Variants in NAV2 observed in about 807,000 individuals in gnomAD.
The protein encoded by NAV2 is helicase, APC down-regulated 1.
NAV2 carries 54 observed loss-of-function variants against 223.2 expected under a neutral mutation model. That is an observed-to-expected ratio of 0.24 (90% CI 0.19 to 0.30). NAV2 has a LOEUF of 0.30. Among genes scored for constraint, NAV2 ranks in the 10% least tolerant of loss-of-function variants. The probability of loss-of-function intolerance (pLI) is 1.00; values close to 1 mark genes in which losing one functional copy is unlikely to be tolerated. For missense variants in NAV2, 2,806 were observed against 3,147.5 expected (o/e 0.89, Z 2.60); for synonymous variants, 1,279 against 1,239.3 (o/e 1.03, Z -0.67).
At chr11:19,696,942 G>A (rs1565175453) in intron 1 of NAV2, among the ~76,000 whole-genome samples, 2 of 152,156 alleles carry the variant, frequency 1.3e-5, no homozygotes, top group African/African-American at 4.8e-5. Context: ...AGATAGTGCT[G>A]TTGTACACAT....
chr11:20,005,240 T>TATATATATAATATATATATA (rs2052932455), intron 11 of NAV2, among the ~76,000 whole-genome samples: 1 of 16,086 alleles, frequency 6.2e-5, no homozygotes, highest in African/African-American at 1.8e-4. Flanking sequence ...GTTTTAATCA[T>TATATATATAATATATATATA]ATATATATAT....
chr11:20,080,225 C>T lies in NAV2; in HGVS notation c.5325+16C>T. On this transcript the variant is annotated intron_variant, in intron 25 of 37. Coordinates refer to ENST00000349880, the MANE Select transcript of NAV2 (RefSeq NM_145117.5). Reference sequence around the variant, plus strand: ...GAAGAACTGGGTGAGTGCACATCCACTCTCCTGGGGACTGACGGACAGAGT... The same window carrying T: ...GAAGAACTGGGTGAGTGCACATCCATTCTCCTGGGGACTGACGGACAGAGT... 4 of 1,610,654 alleles carry T rather than the reference C, an allele frequency of 2.5e-6. No homozygotes were observed. The highest frequency in any genetic ancestry group is 1.1e-5 in the South Asian group (1 of 90,688).
Position 19,442,857 on chromosome 11 carries a change from C to A in NAV2, c.75+91830C>A, listed in dbSNP as rs541882518. On this transcript the variant is annotated intron_variant, in intron 1 of 37. Transcript: ENST00000360655. ...ATGTGCTTGTTTCCCTTGACTAAAG[C>A]AGCTTAGAAGTGGATTGTCCTGTGT... is the stretch of plus-strand genomic sequence containing the variant. 3.3e-5 allele frequency among the ~76,000 whole-genome samples: 5 copies of A among 152,330 alleles called. No homozygotes were observed. In the South Asian group the frequency reaches 1.0e-3, roughly 32 times the overall value.
intron 1 of NAV2, chr11:19,506,265 A>G (rs1655466126): frequency 6.6e-6 from 1 of 152,270 alleles, no homozygotes; most frequent in Admixed American, 6.5e-5. Context: ...GCCAGAAACT[A>G]TAGGCATGGG....
Position 19,713,815 on chromosome 11 carries a change from G to A in NAV2, c.120G>A (p.Lys40=), listed in dbSNP as rs1446897542. 3 of 1,613,118 alleles carry A rather than the reference G, an allele frequency of 1.9e-6. No individual in the cohort carries two copies. Among genetic ancestry groups the A allele is most frequent in the African/African-American group, 1.3e-5 (1 of 74,940 alleles). Residue 40 remains lysine (K), a synonymous_variant, in exon 1 of 38, where the codon AAG becomes AAA. Transcript: ENST00000349880. The surrounding 1 kb of genome is among the most constrained non-coding windows in gnomAD (Gnocchi z 7.2). ...CGGGCCCCCAGCCCTGCTACCTGAA[G>A]TTGGGAAGCAAGGTGGAGGTGAGCA... ...ARAGPQPCYL[K]LGSKVEVSKT...
chr11:19,636,168 G>C (rs2047494451), intron 1 of NAV2, among the ~76,000 whole-genome samples: 1 of 152,302 alleles, frequency 6.6e-6, no homozygotes, highest in Non-Finnish European at 1.5e-5. Flanking sequence ...GTCTGTTGTT[G>C]TCTTAACATC....
rs77045760 is a variant in NAV2 at position 19,366,628 on chromosome 11, A to G, written c.75+15601A>G. On this transcript the variant is annotated intron_variant, in intron 1 of 37. Transcript: ENST00000360655. ...TCTGGAATTAAACAGACCCCAGATA[A>G]AATCCTGGATCCAACTCTTACAGTG... Among the ~76,000 whole-genome samples the G allele has an allele frequency of 2.4e-3, 364 of 152,272 alleles. 1 individual carries two copies. The highest frequency in any genetic ancestry group is 8.4e-3 in the African/African-American group (351 of 41,544).
intron 14 of NAV2, among the ~76,000 whole-genome samples, chr11:20,048,306 C>T (rs931562963): frequency 5.3e-5 from 8 of 152,184 alleles, no homozygotes; most frequent in African/African-American, 1.7e-4. Context: ...GTTGAGCTGT[C>T]ATAAACTGTG....
intron 1 of NAV2, among the ~76,000 whole-genome samples, chr11:19,796,681 G>A (rs2057921878): frequency 6.6e-6 from 1 of 152,142 alleles, no homozygotes. Context: ...GGTGGAGATA[G>A]GTTGGTAGCA....
chr11:19,736,952 T>G (rs2052369336), intron 1 of NAV2, among the ~76,000 whole-genome samples: 1 of 152,250 alleles, frequency 6.6e-6, no homozygotes, highest in African/African-American at 2.4e-5. Context: ...AACATTAATA[T>G]GCCAGCCCCA....
chr11:19,607,264 C>T (rs1391312004), intron 1 of NAV2, among the ~76,000 whole-genome samples: 1 of 152,200 alleles, frequency 6.6e-6, no homozygotes, highest in East Asian at 1.9e-4. Flanking sequence ...TCAGATCTTC[C>T]ACTGTCTGCC....
At chr11:19,983,558 T>C (rs1023232942) in intron 10 of NAV2, among the ~76,000 whole-genome samples, 2 of 152,194 alleles carry the variant, frequency 1.3e-5, no homozygotes, top group African/African-American at 4.8e-5. Context: ...TGTTGTGATA[T>C]TCCCACATGT....
intron 1 of NAV2, among the ~76,000 whole-genome samples, chr11:19,567,512 T>C (rs1484354427): frequency 6.6e-6 from 1 of 152,178 alleles, no homozygotes; most frequent in Non-Finnish European, 1.5e-5. Context: ...TTGCCCCAGG[T>C]CACACAACTA....
At chr11:20,092,698 G>T (rs1249970492) in intron 28 of NAV2, among the ~76,000 whole-genome samples, 1 of 152,172 alleles carries the variant, frequency 6.6e-6, no homozygotes, top group South Asian at 2.1e-4. Flanking sequence ...GCAGGTCTCA[G>T]TTGAGGCAGT....
intron 1 of NAV2, among the ~76,000 whole-genome samples, chr11:19,726,875 CAGA>C (rs998221042): frequency 1.3e-5 from 2 of 152,290 alleles, no homozygotes; most frequent in South Asian, 2.1e-4. Context: ...TCAACCCCTT[CAGA>C]AGAAGAATCT....
At chr11:19,347,672 C>T (rs1373221440), upstream of NAV2, among the ~76,000 whole-genome samples, 9 of 152,248 alleles carry the variant, frequency 5.9e-5, no homozygotes, top group South Asian at 2.1e-4. Flanking sequence ...CCCTTGCAGC[C>T]GCTCAGTTCT....
chr11:19,928,858 G>T (rs558084964), intron 6 of NAV2, among the ~76,000 whole-genome samples: 1 of 152,268 alleles, frequency 6.6e-6, no homozygotes, highest in African/African-American at 2.4e-5. Context: ...CAAAGTTCAA[G>T]GTCCAGCCTA....
chr11:19,913,656 A>G (rs1045302189), intron 6 of NAV2, among the ~76,000 whole-genome samples: 1 of 152,230 alleles, frequency 6.6e-6, no homozygotes, highest in African/African-American at 2.4e-5. Flanking sequence ...ACAGAGAGAA[A>G]GGAGGGAGGC....
Position 20,103,692 on chromosome 11 carries a change from G to C in NAV2, c.6612G>C (p.Ser2204=). Residue 2204 remains serine, a synonymous_variant, in exon 34 of 38, where the codon TCG becomes TCC. Coordinates refer to ENST00000349880, the MANE Select transcript of NAV2 (RefSeq NM_145117.5). ...GCACAATGAACCAGGCTACCTCTTC[G>C]ACTCCCAACCTGCAGCTTCACCATA... ...IIGTMNQATS[S]TPNLQLHHNF... is the part of the protein sequence containing the mutation. 2 of 1,614,052 alleles carry C rather than the reference G, an allele frequency of 1.2e-6. No individual in the cohort carries two copies. Among genetic ancestry groups the C allele is most frequent in the Non-Finnish European group, 1.7e-6 (2 of 1,180,026 alleles).
Sources: allele counts gnomAD v4.1 joint callset (sites outside exome capture counted in the v4.1 genomes callset), GRCh38; gene constraint gnomAD v4.1.1; non-coding constraint Gnocchi (gnomAD v3.1); transcripts MANE v1.5; gene names NCBI Gene and HGNC (gene_info 2026-07-23, HGNC 2026-07-21).